The following STAB2 variants were observed in gnomAD, a reference collection of about 807,000 sequenced individuals.
The protein encoded by STAB2 is stabilin 2, also known as stabilin-2.
A neutral mutation model predicts 338.1 loss-of-function variants in STAB2; 288 were observed. The observed-to-expected ratio is 0.85, with a 90% CI of 0.77 to 0.94. The LOEUF (loss-of-function observed/expected upper bound fraction) is 0.94, where lower values mean the gene tolerates loss of function less well. Among genes scored for constraint, STAB2 ranks in the 40% least tolerant of loss-of-function variants. STAB2 has a pLI of 0.00. For synonymous variants in STAB2, 1,202 were observed against 1,193.3 expected (o/e 1.01, Z -0.15); for missense variants, 3,141 against 3,210.1 (o/e 0.98, Z 0.52).
At chr12:103,597,920 G>C (rs1040709203) in intron 3 of STAB2, among the ~76,000 whole-genome samples, 1 of 151,938 alleles carries the variant, frequency 6.6e-6, no homozygotes, top group Admixed American at 6.6e-5. Flanking sequence ...AAATAGTCTT[G>C]ATTTTTCTTT....
At chr12:103,734,765 A>G (rs1881972288) in intron 51 of STAB2, among the ~76,000 whole-genome samples, 1 of 152,102 alleles carries the variant, frequency 6.6e-6, no homozygotes, top group South Asian at 2.1e-4. Flanking sequence ...ACAGTTCTGG[A>G]GGTGAGATGT....
Position 103,600,085 on chromosome 12 carries a change from T to A in STAB2, c.331+5575T>A, listed in dbSNP as rs187400095. On this transcript the variant is annotated intron_variant, in intron 3 of 68. Coordinates refer to ENST00000388887, the MANE Select transcript of STAB2 (RefSeq NM_017564.10). ...GATGAAGATAATAATACCTTCCTCA[T>A]TTAGATGTGAAAATGAGAACCTACA... Among the ~76,000 whole-genome samples the A allele has an allele frequency of 9.2e-5, 14 of 152,302 alleles. No homozygotes were observed. In the East Asian group the frequency reaches 2.7e-3, roughly 29 times the overall value.
chr12:103,673,918 G>A lies in STAB2; in HGVS notation c.2383G>A (p.Val795Ile), dbSNP rs755342812. 103 of 1,612,306 alleles carry A rather than the reference G, an allele frequency of 6.4e-5. No homozygotes were observed. The East Asian group carries it at 1.2e-3, about 19-fold the overall frequency. The change falls in exon 23 of 69, where the codon GTT becomes ATT. Residue 795 changes from valine to isoleucine, a missense_variant. Physicochemically the swap from Val to Ile is conservative, Grantham distance 29 (BLOSUM62 3). Transcript: ENST00000388887. ...GPRCNKKCLC[V>I]HGTCNNRIDS... is the part of the protein sequence containing the mutation. The stretch of plus-strand genomic sequence containing the variant: ...TCCTCCTCTTTCAGAATGCCTGTGC[G>A]TTCACGGAACATGCAATAACAGGAT...
At chr12:103,655,880 C>T (rs1319488820) in intron 15 of STAB2, among the ~76,000 whole-genome samples, 1 of 152,148 alleles carries the variant, frequency 6.6e-6, no homozygotes, top group Non-Finnish European at 1.5e-5. Context: ...CTTGACTCTT[C>T]TAATATTTCT....
chr12:103,727,232 T>C (rs756086801), intron 46 of STAB2, 35 bp from the exon 47 acceptor site: 1 of 1,611,716 alleles, frequency 6.2e-7, no homozygotes, highest in Admixed American at 1.7e-5. Flanking sequence ...TGATGTTAAG[T>C]GAGTGATGTG....
intron 3 of STAB2, among the ~76,000 whole-genome samples, chr12:103,597,756 C>A (rs147219245): frequency 6.6e-6 from 1 of 151,924 alleles, no homozygotes; most frequent in Non-Finnish European, 1.5e-5. Context: ...GGGATGAAAT[C>A]GATTTTTTAA....
At position 103,689,837 on chromosome 12, in the gene STAB2, G is replaced by A. The variant is rs1272896651; in HGVS notation, c.3046-9G>A. 7 of 1,610,472 alleles carry A rather than the reference G, an allele frequency of 4.3e-6. No individual in the cohort carries two copies. Among genetic ancestry groups the A allele is most frequent in the Non-Finnish European group, 5.9e-6 (7 of 1,178,868 alleles). The stretch of plus-strand genomic sequence containing the variant: ...AAGCAGGTCACTTTATTTTCCTTCT[G>A]TGGTTCAGAATGCTTCTCTACAACC... On this transcript the variant is annotated splice_polypyrimidine_tract_variant and intron_variant, in intron 28 of 68. Transcript: ENST00000388887.
intron 44 of STAB2, among the ~76,000 whole-genome samples, chr12:103,720,972 C>G (rs1357395851): frequency 5.9e-5 from 9 of 152,162 alleles, no homozygotes; most frequent in Admixed American, 2.0e-4. Flanking sequence ...AATGTTGTAA[C>G]AAGTTTTGAG....
intron 31 of STAB2, 111 bp from the exon 32 acceptor site, chr12:103,695,439 C>A: frequency 1.1e-6 from 1 of 888,390 alleles, no homozygotes; most frequent in Non-Finnish European, 1.8e-6. Flanking sequence ...TTGTCAATGT[C>A]AATCCATTGA....
chr12:103,740,776 C>A lies in STAB2; in HGVS notation c.5881+20C>A, dbSNP rs762901515. On this transcript the variant is annotated intron_variant, in intron 55 of 68. Coordinates refer to ENST00000388887, the MANE Select transcript of STAB2 (RefSeq NM_017564.10). The stretch of plus-strand genomic sequence containing the variant: ...GTCAGGGTGAGGGTGCCTCTTCCCC[C>A]CTCGCAACTCTAAAAGTGGTAATAT... The A allele has an allele frequency of 3.9e-6, 6 of 1,553,264 alleles. No individual in the cohort carries two copies. Among genetic ancestry groups the A allele is most frequent in the African/African-American group, 1.4e-5 (1 of 71,102 alleles).
intron 5 of STAB2, among the ~76,000 whole-genome samples, chr12:103,627,735 G>A (rs1333341737): frequency 6.6e-6 from 1 of 152,234 alleles, no homozygotes; most frequent in Non-Finnish European, 1.5e-5. Context: ...ATACCACACA[G>A]CCAGGAGGGC....
intron 17 of STAB2, among the ~76,000 whole-genome samples, chr12:103,661,106 A>G (rs1352580349): frequency 2.0e-5 from 3 of 151,782 alleles, no homozygotes; most frequent in Non-Finnish European, 4.4e-5. Context: ...ACAGAACAGG[A>G]GGAGTCTGAG....
At chr12:103,629,468 A>G (rs1957427118) in intron 5 of STAB2, among the ~76,000 whole-genome samples, 1 of 151,806 alleles carries the variant, frequency 6.6e-6, no homozygotes, top group Non-Finnish European at 1.5e-5. Context: ...GCATTAACAA[A>G]CCTCTAGTTG....
chr12:103,741,751 G>C (rs1386389597), intron 55 of STAB2, among the ~76,000 whole-genome samples: 1 of 152,242 alleles, frequency 6.6e-6, no homozygotes, highest in Non-Finnish European at 1.5e-5. Context: ...CGCCGTGCCT[G>C]GCCTGTTGAC....
At chr12:103,727,229 A>T (rs1477000596) in intron 46 of STAB2, 38 bp from the exon 47 acceptor site, 15 of 1,609,542 alleles carry the variant, frequency 9.3e-6, no homozygotes, top group Non-Finnish European at 1.3e-5. Flanking sequence ...TATTGATGTT[A>T]AGTGAGTGAT....
rs1478953131 is a variant in STAB2, at chr12:103,653,640, ATACATGGATAGGTCAC to A, written c.1408-913_1408-898del. The stretch of plus-strand genomic sequence containing the variant: ...GATGGATGGATGGATGGATGGATGG[ATACATGGATAGGTCAC>A]TGGATGGATGGATGGATGGATAGAT... On this transcript the variant is annotated intron_variant, in intron 12 of 68. Coordinates refer to ENST00000388887, the MANE Select transcript of STAB2 (RefSeq NM_017564.10). Among the ~76,000 whole-genome samples, 92 of 147,324 alleles carry A rather than the reference ATACATGGATAGGTCAC, an allele frequency of 6.2e-4. 1 individual carries two copies. Among genetic ancestry groups the A allele is most frequent in the East Asian group, 1.0e-3 (5 of 4,940 alleles).
chr12:103,753,146 C>T (rs1375144381), intron 60 of STAB2, 74 bp from the exon 61 acceptor site: 2 of 1,580,620 alleles, frequency 1.3e-6, no homozygotes, highest in Admixed American at 1.7e-5. Context: ...TTTGAAAGTC[C>T]TTCAGAGTCC....
intron 52 of STAB2, among the ~76,000 whole-genome samples, chr12:103,737,136 C>T (rs964225782): frequency 6.6e-6 from 1 of 152,202 alleles, no homozygotes; most frequent in African/African-American, 2.4e-5. Flanking sequence ...AAAGAGGGCA[C>T]ATCAGCGAAG....
intron 68 of STAB2, among the ~76,000 whole-genome samples, chr12:103,765,385 A>G (rs1884864696): frequency 6.6e-6 from 1 of 152,246 alleles, no homozygotes; most frequent in Non-Finnish European, 1.5e-5. Flanking sequence ...ATAAGGTACC[A>G]GCTTACAAAG....
Sources: gnomAD v4.1 joint callset for allele counts (sites outside exome capture counted in the v4.1 genomes callset) on GRCh38, gnomAD v4.1.1 for gene constraint, MANE v1.5 for transcripts, NCBI Gene and HGNC (gene_info 2026-07-23, HGNC 2026-07-21) for gene names.